The following BLOC1S3 variants were observed in gnomAD, a reference collection of about 807,000 sequenced individuals.
BLOC1S3 encodes the protein biogenesis of lysosomal organelles complex 1 subunit 3, also known as biogenesis of lysosome-related organelles complex 1 subunit 3.
BLOC1S3 carries 7 observed loss-of-function variants against 9.1 expected under a neutral mutation model. That is an observed-to-expected ratio of 0.77 (90% CI 0.44 to 1.45). The LOEUF (loss-of-function observed/expected upper bound fraction) is 1.45. BLOC1S3 is among the 40% of genes most tolerant of loss of function. The pLI is 0.01. For missense variants in BLOC1S3, 307 were observed against 315.2 expected (o/e 0.97, Z 0.20); for synonymous variants, 145 against 158.4 (o/e 0.92, Z 0.64).
rs34965337 is a variant in BLOC1S3 at position 45,180,235 on chromosome 19, A to ATTTTTTTTTTTTTTTTTTTTTT, written c.*333_*354dup. On this transcript the variant is annotated 3_prime_UTR_variant, in exon 2 of 2. Coordinates refer to ENST00000433642, the MANE Select transcript of BLOC1S3 (RefSeq NM_212550.5). Reference sequence around the variant, plus strand: ...CTGTTTCCACCCTGGGGGCTCACCAATTTTTTTTTTTTTTTTTTTTTTTTG... The same window carrying ATTTTTTTTTTTTTTTTTTTTTT: ...CTGTTTCCACCCTGGGGGCTCACCAATTTTTTTTTTTTTTTTTTTTTTTTTTTTTTTTTTTTTTTTTTTTTTG... The ATTTTTTTTTTTTTTTTTTTTTT allele has an allele frequency of 1.1e-5, 1 of 90,224 alleles. No individual in the cohort carries two copies. The highest frequency in any genetic ancestry group is 5.6e-5 in the African/African-American group (1 of 17,848). 5.6% of individuals were successfully genotyped at this position (90,224 alleles called of 1,614,324 possible). A position where few individuals can be genotyped will look rare whatever the true frequency, so the allele number is the denominator to read the frequency against.
chr19:45,213,989 T>C (rs896163182), intron 3 of BLOC1S3, among the ~76,000 whole-genome samples: 10 of 151,436 alleles, frequency 6.6e-5, no homozygotes, highest in African/African-American at 2.2e-4. Context: ...TGTACCCCAC[T>C]CCCCCTAAAT....
chr19:45,188,142 C>T (rs1969579232), intron 2 of BLOC1S3, among the ~76,000 whole-genome samples: 1 of 152,082 alleles, frequency 6.6e-6, no homozygotes. Flanking sequence ...CCTGCCTCGG[C>T]CTCCCGAGTA....
At chr19:45,193,815 GT>G (rs1969625155) in intron 2 of BLOC1S3, among the ~76,000 whole-genome samples, 1 of 90,232 alleles carries the variant, frequency 1.1e-5, no homozygotes, top group Non-Finnish European at 2.2e-5. Flanking sequence ...TGTTGTTTTT[GT>G]TTTTGAGATG....
At chr19:45,201,720 G>A (rs907138478) in intron 2 of BLOC1S3, among the ~76,000 whole-genome samples, 1 of 152,116 alleles carries the variant, frequency 6.6e-6, no homozygotes, top group African/African-American at 2.4e-5. Context: ...ATATGGTTTG[G>A]CTGTGTCCCA....
At chr19:45,212,999 G>C in intron 3 of BLOC1S3, 1 of 1,403,654 alleles carries the variant, frequency 7.1e-7, no homozygotes, top group Non-Finnish European at 9.2e-7. Flanking sequence ...GAGTCAGGAG[G>C]GGCGCCGTAC....
In BLOC1S3 at chr19:45,181,224, C is replaced by T. The variant is rs1259197742; in HGVS notation, c.*1319C>T. 1 of 167,282 alleles carries T rather than the reference C, an allele frequency of 6.0e-6. No homozygotes were observed. Among genetic ancestry groups the T allele is most frequent in the Non-Finnish European group, 1.5e-5 (1 of 68,230 alleles). 10.4% of individuals were successfully genotyped at this position (167,282 alleles called of 1,614,324 possible). A position where few individuals can be genotyped will look rare whatever the true frequency, so the allele number is the denominator to read the frequency against. ...ACTGTCTCCATCCTACTTACACCTC[C>T]CTGATCCTGGGGTCTGGGGACTCCC... On this transcript the variant is annotated 3_prime_UTR_variant, in exon 2 of 2. Coordinates refer to ENST00000433642, the MANE Select transcript of BLOC1S3 (RefSeq NM_212550.5).
chr19:45,189,239 C>A (rs1292070395), intron 2 of BLOC1S3, among the ~76,000 whole-genome samples: 1 of 152,120 alleles, frequency 6.6e-6, no homozygotes, highest in African/African-American at 2.4e-5. Flanking sequence ...AGCCTCGTCT[C>A]AAACTCCTGA....
chr19:45,180,002 C>T lies in BLOC1S3; in HGVS notation c.*97C>T. 1.4e-6 allele frequency: 2 copies of T among 1,416,346 alleles called. No individual in the cohort carries two copies. The highest frequency in any genetic ancestry group is 1.9e-6 in the Non-Finnish European group (2 of 1,041,734). 87.7% of individuals were successfully genotyped at this position (1,416,346 alleles called of 1,614,324 possible). ...TCCTGTGTCTCTTATCACCCCCCAC[C>T]CCCGCTCCCATCTTGGTGTCACCCA... is the stretch of plus-strand genomic sequence containing the variant. On this transcript the variant is annotated 3_prime_UTR_variant, in exon 2 of 2. Coordinates refer to ENST00000433642, the MANE Select transcript of BLOC1S3 (RefSeq NM_212550.5).
intron 3 of BLOC1S3, among the ~76,000 whole-genome samples, chr19:45,213,793 T>TAAA (rs376637056): frequency 7.4e-6 from 1 of 134,662 alleles, no homozygotes; most frequent in Non-Finnish European, 1.6e-5. Context: ...AAAAATACAT[T>TAAA]AAAAAAAAAA....
At chr19:45,197,084 G>C (rs1969654254) in intron 2 of BLOC1S3, among the ~76,000 whole-genome samples, 1 of 151,296 alleles carries the variant, frequency 6.6e-6, no homozygotes, top group Non-Finnish European at 1.5e-5. Context: ...TGCTGGGAGT[G>C]GAGGGGGCTG....
At chr19:45,187,853 C>CG in intron 2 of BLOC1S3, 1 of 152,168 alleles carries the variant, frequency 6.6e-6, no homozygotes, top group African/African-American at 2.4e-5. Flanking sequence ...CATACCCTCC[C>CG]GTGCACTTTA....
intron 3 of BLOC1S3, among the ~76,000 whole-genome samples, chr19:45,214,680 G>A (rs1296967330): frequency 1.3e-5 from 2 of 151,716 alleles, no homozygotes; most frequent in African/African-American, 2.4e-5. Flanking sequence ...GGCCAGGCTG[G>A]TCTCGAACTC....
rs58276137 is a variant in BLOC1S3 at position 45,194,010 on chromosome 19, A to G, written n.180+6270A>G. Among the ~76,000 whole-genome samples the G allele has an allele frequency of 3.3e-3, 439 of 133,194 alleles. 3 individuals are homozygous for G. The highest frequency in any genetic ancestry group is 0.013 in the East Asian group (56 of 4,386). 87.4% of individuals were successfully genotyped at this position (133,194 alleles called of 152,430 possible). ...AGTAGAGAAGGGGTTTCACCGTGTTAGCCAGGATGGTCTCGATCTCCTGAC... is the reference window on the plus strand; with the variant it reads ...AGTAGAGAAGGGGTTTCACCGTGTTGGCCAGGATGGTCTCGATCTCCTGAC... On this transcript the variant is annotated intron_variant and non_coding_transcript_variant, in intron 2 of 3. Coordinates refer to the BLOC1S3 transcript ENST00000591569.
At chr19:45,183,801 A>G (rs1599748828), downstream of BLOC1S3, among the ~76,000 whole-genome samples, 1 of 146,220 alleles carries the variant, frequency 6.8e-6, no homozygotes, top group Non-Finnish European at 1.5e-5. Flanking sequence ...TAGTTTTTCT[A>G]TTTTTTTTTC....
chr19:45,213,090 C>T lies in BLOC1S3; in HGVS notation n.283-3586C>T, dbSNP rs201597405. 3.1e-4 allele frequency: 471 copies of T among 1,516,770 alleles called. 1 individual carries two copies. In the African/African-American group the frequency reaches 5.9e-3, roughly 19 times the overall value. 94.0% of individuals were successfully genotyped at this position (1,516,770 alleles called of 1,614,324 possible). A position where few individuals can be genotyped will look rare whatever the true frequency, so the allele number is the denominator to read the frequency against. ...ACCCTCAGCGCTGGGCCCGAGGTCG[C>T]GCTAGAGACGGAGGCCGGGGCCGAG... On this transcript the variant is annotated intron_variant and non_coding_transcript_variant, in intron 3 of 3. Coordinates refer to the BLOC1S3 transcript ENST00000591569.
chr19:45,208,934 A>T (rs1012175175), intron 3 of BLOC1S3, among the ~76,000 whole-genome samples: 1 of 152,180 alleles, frequency 6.6e-6, no homozygotes, highest in African/African-American at 2.4e-5. Context: ...TAAATGCTTA[A>T]TTAGAAAAGA....
downstream of BLOC1S3, among the ~76,000 whole-genome samples, chr19:45,184,119 C>T (rs1011170297): frequency 5.3e-5 from 8 of 152,024 alleles, no homozygotes; most frequent in African/African-American, 1.9e-4. Flanking sequence ...TCCCTCCCTC[C>T]TTCCTTCCTT....
chr19:45,204,186 C>CTT (rs372532919), intron 3 of BLOC1S3, among the ~76,000 whole-genome samples: 3 of 121,604 alleles, frequency 2.5e-5, no homozygotes, highest in African/African-American at 6.4e-5. Flanking sequence ...TTTGTTTTGC[C>CTT]TTTTTTTTTT....
intron 3 of BLOC1S3, among the ~76,000 whole-genome samples, chr19:45,210,656 C>T (rs996442846): frequency 3.3e-5 from 5 of 151,508 alleles, no homozygotes; most frequent in Non-Finnish European, 5.9e-5. Context: ...TAGGCTACAA[C>T]GCAGAGGCAC....
Sources: gnomAD v4.1 joint callset for allele counts (sites outside exome capture counted in the v4.1 genomes callset) on GRCh38, gnomAD v4.1.1 for gene constraint, MANE v1.5 for transcripts, NCBI Gene and HGNC (gene_info 2026-07-23, HGNC 2026-07-21) for gene names.